PDGFD: variants seen among roughly 807,000 people sequenced by gnomAD.
PDGFD encodes the protein platelet derived growth factor D, also known as platelet-derived growth factor D.
In PDGFD, 30 loss-of-function variants were observed where a neutral mutation model predicts 44.7. The ratio of observed to expected loss-of-function variants is 0.67; its 90% CI spans 0.50 to 0.91. The LOEUF (loss-of-function observed/expected upper bound fraction) is 0.91. PDGFD is among the 40% of genes least tolerant of loss of function. The pLI is 0.00. For missense variants in PDGFD, 445 were observed against 457.8 expected (o/e 0.97, Z 0.25); for synonymous variants, 173 against 168.4 (o/e 1.03, Z -0.21).
intron 5 of PDGFD, among the ~76,000 whole-genome samples, chr11:103,938,124 A>G (rs879783907): frequency 3.2e-4 from 49 of 151,890 alleles, no homozygotes; most frequent in Non-Finnish European, 6.2e-4. Context: ...CTGAGGAATC[A>G]CCACACTGAC....
At chr11:103,974,350 G>A (rs1014338613) in intron 3 of PDGFD, among the ~76,000 whole-genome samples, 1 of 152,112 alleles carries the variant, frequency 6.6e-6, no homozygotes, top group Non-Finnish European at 1.5e-5. Flanking sequence ...CTCCCCATGT[G>A]CAGTCACCTC....
chr11:103,989,136 G>A (rs147536865), intron 3 of PDGFD, among the ~76,000 whole-genome samples: 142 of 152,078 alleles, frequency 9.3e-4, no homozygotes, highest in African/African-American at 3.0e-3. Flanking sequence ...ATTCTTCCCT[G>A]TCCTATGAAC....
chr11:104,026,579 C>A lies in PDGFD; in HGVS notation c.125-26324G>T, dbSNP rs137998394. On this transcript the variant is annotated intron_variant, in intron 1 of 6. Transcript: ENST00000393158. ...GTTATCCCATGACACAGATCAATGA[C>A]CTCTGTCAAAATCCCATTTTAAAAA... Among the ~76,000 whole-genome samples the A allele has an allele frequency of 5.5e-3, 839 of 152,232 alleles. 6 individuals carry two copies. The highest frequency in any genetic ancestry group is 0.038 in the Middle Eastern group (11 of 292).
chr11:103,975,848 G>T (rs556877558), intron 3 of PDGFD, among the ~76,000 whole-genome samples: 16 of 152,098 alleles, frequency 1.1e-4, no homozygotes, highest in African/African-American at 3.9e-4. Flanking sequence ...TGTTCCGTTG[G>T]TCTATATATC....
intron 6 of PDGFD, among the ~76,000 whole-genome samples, chr11:103,920,533 A>C (rs556324191): frequency 6.6e-6 from 1 of 152,344 alleles, no homozygotes; most frequent in East Asian, 1.9e-4. Context: ...CCGCTTTGGC[A>C]GGAAGGCCTG....
chr11:103,953,723 A>C (rs1009729408), intron 3 of PDGFD, among the ~76,000 whole-genome samples: 7 of 152,206 alleles, frequency 4.6e-5, no homozygotes, highest in African/African-American at 1.7e-4. Flanking sequence ...GGAATTATTC[A>C]ACATTTATGA....
intron 1 of PDGFD, among the ~76,000 whole-genome samples, chr11:104,105,940 A>T (rs1485096296): frequency 6.6e-6 from 1 of 152,166 alleles, no homozygotes; most frequent in African/African-American, 2.4e-5. Flanking sequence ...AAACACTTGC[A>T]TTTGAGACAG....
intron 1 of PDGFD, among the ~76,000 whole-genome samples, chr11:104,092,600 A>G (rs963884679): frequency 2.0e-5 from 3 of 152,316 alleles, no homozygotes; most frequent in African/African-American, 7.2e-5. Flanking sequence ...GCCTCCAGAA[A>G]AAAATCAGGA....
chr11:104,057,092 C>T (rs1415187681), intron 1 of PDGFD, among the ~76,000 whole-genome samples: 2 of 152,216 alleles, frequency 1.3e-5, no homozygotes, highest in Non-Finnish European at 2.9e-5. Context: ...CGAGCCACTG[C>T]ATGCCAGCCT....
At chr11:104,154,398 A>G (rs539589693) in intron 1 of PDGFD, among the ~76,000 whole-genome samples, 3 of 152,320 alleles carry the variant, frequency 2.0e-5, no homozygotes, top group Admixed American at 2.0e-4. Flanking sequence ...AACGATGGGC[A>G]GCGTCAAGGC....
chr11:103,960,719 A>G (rs895034072), intron 3 of PDGFD, among the ~76,000 whole-genome samples: 1 of 152,216 alleles, frequency 6.6e-6, no homozygotes, highest in African/African-American at 2.4e-5. Flanking sequence ...ACAAATTCCC[A>G]TAGGATATGT....
At chr11:103,930,035 G>T (rs1018517577) in intron 5 of PDGFD, among the ~76,000 whole-genome samples, 1 of 152,090 alleles carries the variant, frequency 6.6e-6, no homozygotes, top group African/African-American at 2.4e-5. Flanking sequence ...TTCAACTAAC[G>T]TCCCTTATTT....
intron 3 of PDGFD, among the ~76,000 whole-genome samples, chr11:103,957,558 T>C (rs1278328421): frequency 6.6e-6 from 1 of 152,010 alleles, no homozygotes; most frequent in African/African-American, 2.4e-5. Context: ...TCAGAAATAA[T>C]GCCGCATATC....
chr11:104,148,408 C>T (rs1862193861), intron 1 of PDGFD, among the ~76,000 whole-genome samples: 1 of 151,940 alleles, frequency 6.6e-6, no homozygotes, highest in Admixed American at 6.6e-5. Flanking sequence ...AACAATTAGC[C>T]ACATGTGGCT....
intron 1 of PDGFD, among the ~76,000 whole-genome samples, chr11:104,130,696 C>T (rs1235879338): frequency 6.6e-6 from 1 of 152,160 alleles, no homozygotes; most frequent in Non-Finnish European, 1.5e-5. Flanking sequence ...GAGCATGGCT[C>T]ATTTTTGTCA....
chr11:104,101,495 T>C (rs10895571), intron 1 of PDGFD, among the ~76,000 whole-genome samples: 81,739 of 151,924 alleles, frequency 0.54, 23,331 homozygotes, highest in East Asian at 0.73. Flanking sequence ...AAAATGGTCA[T>C]ACTGCCCAAG....
chr11:103,958,051 TA>T (rs949745797), intron 3 of PDGFD, among the ~76,000 whole-genome samples: 63 of 146,822 alleles, frequency 4.3e-4, no homozygotes, highest in African/African-American at 1.0e-3. Flanking sequence ...TGTTTAGCAT[TA>T]AAAAAAAAAA....
chr11:103,929,329 A>G (rs1013830576), intron 5 of PDGFD, among the ~76,000 whole-genome samples: 6 of 152,108 alleles, frequency 3.9e-5, no homozygotes, highest in African/African-American at 1.4e-4. Flanking sequence ...GCTGTACTGG[A>G]CTTTCCTGTC....
chr11:104,154,156 A>G (rs180952859), intron 1 of PDGFD, among the ~76,000 whole-genome samples: 12 of 152,300 alleles, frequency 7.9e-5, no homozygotes, highest in African/African-American at 2.9e-4. Context: ...CACTGGTTTT[A>G]TCTTTGAATG....
Sources: allele counts gnomAD v4.1 joint callset (sites outside exome capture counted in the v4.1 genomes callset), GRCh38; gene constraint gnomAD v4.1.1; transcripts MANE v1.5; gene names NCBI Gene and HGNC (gene_info 2026-07-23, HGNC 2026-07-21).